LHPP: variants seen among roughly 807,000 people sequenced by gnomAD.
LHPP encodes hLHPP.
LHPP carries 24 observed loss-of-function variants against 30.3 expected under a neutral mutation model. The observed-to-expected ratio is 0.79, with a 90% CI of 0.57 to 1.11. The LOEUF (loss-of-function observed/expected upper bound fraction) is 1.11. Among genes scored for constraint, LHPP ranks in the 50% most tolerant of loss-of-function variants. The pLI is 0.00. For missense variants in LHPP, 356 were observed against 367.2 expected (o/e 0.97, Z 0.25); for synonymous variants, 150 against 157.1 (o/e 0.95, Z 0.34).
intron 1 of LHPP, among the ~76,000 whole-genome samples, chr10:124,467,932 AC>A (rs1168159224): frequency 4.0e-5 from 6 of 151,288 alleles, no homozygotes; most frequent in Non-Finnish European, 8.8e-5. Context: ...CTGGTCTCAA[AC>A]TCCTGACCTC....
At chr10:124,504,290 C>T (rs77875350) in intron 5 of LHPP, among the ~76,000 whole-genome samples, 11,245 of 151,744 alleles carry the variant, frequency 0.074, 613 homozygotes, top group South Asian at 0.24. Context: ...AACCCTGCCA[C>T]TGCCTGGAAA....
intron 5 of LHPP, among the ~76,000 whole-genome samples, chr10:124,499,247 C>A (rs1005242862): frequency 2.6e-5 from 4 of 151,876 alleles, no homozygotes; most frequent in Non-Finnish European, 5.9e-5. Context: ...TTTTAAACTC[C>A]TAGCTCAAGC....
chr10:124,474,440 A>G lies in LHPP; in HGVS notation c.126-9699A>G, dbSNP rs564290588. Among the ~76,000 whole-genome samples, 38 of 152,226 alleles carry G rather than the reference A, an allele frequency of 2.5e-4. 2 individuals are homozygous for G. Among genetic ancestry groups the G allele is most frequent in the Admixed American group, 2.2e-3 (34 of 15,256 alleles). Reference sequence around the variant, plus strand: ...CAAGTATGAACCACCGTGCCCGGCCATATGAAGTCTTGTAGTTGTTGAACT... The same window carrying G: ...CAAGTATGAACCACCGTGCCCGGCCGTATGAAGTCTTGTAGTTGTTGAACT... On this transcript the variant is annotated intron_variant, in intron 1 of 6. Coordinates refer to ENST00000368842, the MANE Select transcript of LHPP (RefSeq NM_022126.4).
At chr10:124,579,105 A>AAC (rs1948712074) in intron 6 of LHPP, among the ~76,000 whole-genome samples, 1 of 152,200 alleles carries the variant, frequency 6.6e-6, no homozygotes, top group Non-Finnish European at 1.5e-5. Flanking sequence ...GCAAGCAGAT[A>AAC]CATGTTGTAA....
chr10:124,564,264 C>T (rs890392648), intron 6 of LHPP, among the ~76,000 whole-genome samples: 4 of 151,536 alleles, frequency 2.6e-5, no homozygotes, highest in Non-Finnish European at 5.9e-5. Context: ...GCTGGGACTA[C>T]AGGCACGCAG....
intron 6 of LHPP, among the ~76,000 whole-genome samples, chr10:124,557,747 G>T (rs1404690682): frequency 1.3e-5 from 2 of 152,088 alleles, no homozygotes; most frequent in Non-Finnish European, 2.9e-5. Context: ...GCCAGGCAAG[G>T]CTGGCCAAGC....
intron 6 of LHPP, among the ~76,000 whole-genome samples, chr10:124,522,210 C>T (rs1306326619): frequency 2.0e-5 from 3 of 152,178 alleles, no homozygotes; most frequent in Non-Finnish European, 4.4e-5. Flanking sequence ...TACCTGCTCC[C>T]TGTGGAAATC....
chr10:124,488,218 G>A (rs942373553), intron 2 of LHPP, among the ~76,000 whole-genome samples: 3 of 152,124 alleles, frequency 2.0e-5, no homozygotes, highest in Admixed American at 2.0e-4. Flanking sequence ...CTCCTCATAA[G>A]CCCTCTCTGA....
intron 1 of LHPP, among the ~76,000 whole-genome samples, chr10:124,472,196 C>T (rs1391626286): frequency 6.6e-6 from 1 of 151,786 alleles, no homozygotes; most frequent in African/African-American, 2.4e-5. Context: ...GCCTGTAATC[C>T]TAGCTACTTG....
Position 124,478,463 on chromosome 10 carries a change from C to T in LHPP, c.126-5676C>T, listed in dbSNP as rs558978266. 2.4e-4 allele frequency among the ~76,000 whole-genome samples: 36 copies of T among 152,352 alleles called. No individual in the cohort carries two copies. Among genetic ancestry groups the T allele is most frequent in the Middle Eastern group, 3.4e-3 (1 of 294 alleles). On this transcript the variant is annotated intron_variant, in intron 1 of 6. Coordinates refer to ENST00000368842, the MANE Select transcript of LHPP (RefSeq NM_022126.4). This position sits in a 1 kb window ranked among gnomAD's most constrained non-coding sequence, Gnocchi z 4.7. ...CTCCCCTCCGAGGGATCCCATTCTC[C>T]CTCCAGCCTCAGGACCCTCGGCGGT... is the stretch of plus-strand genomic sequence containing the variant.
chr10:124,474,132 CTTTTTTTTTTTTTTT>C (rs544464876), intron 1 of LHPP, among the ~76,000 whole-genome samples: 1 of 71,904 alleles, frequency 1.4e-5, no homozygotes, highest in Non-Finnish European at 2.6e-5. Context: ...TTGCTTTGCC[CTTTTTTTTTTTTTTT>C]TTTTTTTTTT....
chr10:124,533,286 A>T (rs4962645), intron 6 of LHPP, among the ~76,000 whole-genome samples: 1 of 152,302 alleles, frequency 6.6e-6, no homozygotes, highest in African/African-American at 2.4e-5. Context: ...CCCAGGGACC[A>T]TGTGCTCTGA....
At chr10:124,522,049 G>A (rs1449577731) in intron 6 of LHPP, among the ~76,000 whole-genome samples, 1 of 152,208 alleles carries the variant, frequency 6.6e-6, no homozygotes, top group Non-Finnish European at 1.5e-5. Flanking sequence ...CCTCGGGGTT[G>A]GGAGAGATTG....
chr10:124,486,585 C>T (rs1241757721), intron 2 of LHPP, among the ~76,000 whole-genome samples: 1 of 152,276 alleles, frequency 6.6e-6, no homozygotes, highest in Non-Finnish European at 1.5e-5. Flanking sequence ...ACTGGGCACA[C>T]TTGATTCTCC....
chr10:124,576,381 C>A lies in LHPP; in HGVS notation c.717-36883C>A, dbSNP rs7919780. On this transcript the variant is annotated intron_variant, in intron 6 of 6. Transcript: ENST00000368842. This position sits in a 1 kb window ranked among gnomAD's most constrained non-coding sequence, Gnocchi z 4.2. ...CCCACTTCAGGGGTTGCCCCCAGGACCCCCCTTGCGGTACCCGTATATCCC... is the reference window on the plus strand; with the variant it reads ...CCCACTTCAGGGGTTGCCCCCAGGAACCCCCTTGCGGTACCCGTATATCCC... 0.46 allele frequency among the ~76,000 whole-genome samples: 68,732 copies of A among 149,084 alleles called. 16,273 individuals are homozygous for A. The highest frequency in any genetic ancestry group is 0.57 in the Middle Eastern group (166 of 292).
chr10:124,532,611 C>T (rs1228413794), intron 6 of LHPP, among the ~76,000 whole-genome samples: 1 of 152,252 alleles, frequency 6.6e-6, no homozygotes, highest in Non-Finnish European at 1.5e-5. Flanking sequence ...GGTGGACACT[C>T]TGCGTTTGTT....
At chr10:124,574,308 G>A (rs114781865) in intron 6 of LHPP, among the ~76,000 whole-genome samples, 1,686 of 152,308 alleles carry the variant, frequency 0.011, 26 homozygotes, top group African/African-American at 0.038. Flanking sequence ...CGGGAGCATC[G>A]CCAGCAGCAG....
chr10:124,514,487 C>A (rs1337554336), intron 5 of LHPP, among the ~76,000 whole-genome samples: 4 of 152,214 alleles, frequency 2.6e-5, no homozygotes, highest in African/African-American at 9.6e-5. Flanking sequence ...GCAGTTTTTT[C>A]TTTTACTGCT....
intron 5 of LHPP, among the ~76,000 whole-genome samples, chr10:124,509,424 A>G (rs1303244239): frequency 6.6e-6 from 1 of 151,994 alleles, no homozygotes; most frequent in Non-Finnish European, 1.5e-5. Context: ...ATTTGCTCCA[A>G]ATCCTAGTGG....
Sources: gnomAD v4.1 joint callset for allele counts (sites outside exome capture counted in the v4.1 genomes callset) on GRCh38, gnomAD v4.1.1 for gene constraint, Gnocchi (gnomAD v3.1) non-coding constraint, MANE v1.5 for transcripts, NCBI Gene and HGNC (gene_info 2026-07-23, HGNC 2026-07-21) for gene names.